VPS41: variants seen among roughly 807,000 people sequenced by gnomAD.
The protein encoded by VPS41 is VPS41 subunit of HOPS complex, also known as vacuolar protein sorting-associated protein 41 homolog.
A neutral mutation model predicts 130.9 loss-of-function variants in VPS41; 85 were observed. The ratio of observed to expected loss-of-function variants is 0.65; its 90% CI spans 0.55 to 0.78. The LOEUF (loss-of-function observed/expected upper bound fraction) is 0.78. VPS41 is among the 30% of genes least tolerant of loss of function. The pLI is 0.00. For synonymous variants in VPS41, 335 were observed against 332.9 expected (o/e 1.01, Z -0.07); for missense variants, 874 against 1,018.7 (o/e 0.86, Z 1.93).
At chr7:38,731,587 G>A (rs997944658) in intron 25 of VPS41, among the ~76,000 whole-genome samples, 4 of 151,886 alleles carry the variant, frequency 2.6e-5, no homozygotes, top group African/African-American at 4.8e-5. Flanking sequence ...GCCTATCTTC[G>A]CAACCACAGA....
At chr7:38,892,418 T>C (rs1026969612) in intron 2 of VPS41, among the ~76,000 whole-genome samples, 1 of 152,150 alleles carries the variant, frequency 6.6e-6, no homozygotes, top group Non-Finnish European at 1.5e-5. Context: ...CTAAAGAGCA[T>C]ACCAAAGTGC....
chr7:38,842,861 GAAC>G (rs966815253), intron 4 of VPS41, among the ~76,000 whole-genome samples: 3 of 152,112 alleles, frequency 2.0e-5, no homozygotes, highest in African/African-American at 2.4e-5. Context: ...TCCTGTTTCA[GAAC>G]AATAACTCAC....
At chr7:38,746,256 T>TAAA (rs11359151) in intron 22 of VPS41, among the ~76,000 whole-genome samples, 6 of 146,078 alleles carry the variant, frequency 4.1e-5, no homozygotes, top group Non-Finnish European at 6.0e-5. Context: ...CCATTAGTCT[T>TAAA]AAAAAAAAAA....
intron 17 of VPS41, among the ~76,000 whole-genome samples, chr7:38,758,911 G>A (rs944501686): frequency 6.6e-6 from 1 of 152,132 alleles, no homozygotes; most frequent in South Asian, 2.1e-4. Flanking sequence ...TTCCTGGAGG[G>A]TGGTGCACCC....
intron 25 of VPS41, among the ~76,000 whole-genome samples, chr7:38,736,021 C>G (rs2115590306): frequency 6.6e-6 from 1 of 152,140 alleles, no homozygotes; most frequent in South Asian, 2.1e-4. Context: ...AAATAAACCC[C>G]AATTATACCT....
intron 25 of VPS41, among the ~76,000 whole-genome samples, chr7:38,740,452 C>T (rs1795858756): frequency 6.6e-6 from 1 of 152,188 alleles, no homozygotes; most frequent in South Asian, 2.1e-4. Context: ...CAGCTCCTCA[C>T]CTCACCTCTC....
intron 7 of VPS41, among the ~76,000 whole-genome samples, chr7:38,809,921 T>C (rs553154094): frequency 5.1e-4 from 76 of 148,074 alleles, no homozygotes; most frequent in Non-Finnish European, 9.0e-4. Flanking sequence ...GCTGGACAAT[T>C]AAAAAAAAAA....
At chr7:38,905,941 C>T (rs1052878780) in intron 1 of VPS41, among the ~76,000 whole-genome samples, 3 of 151,370 alleles carry the variant, frequency 2.0e-5, no homozygotes, top group Non-Finnish European at 4.4e-5. Context: ...TTACAGGCGC[C>T]CACCACCATG....
At chr7:38,794,507 A>G (rs2115973100) in intron 9 of VPS41, among the ~76,000 whole-genome samples, 1 of 152,366 alleles carries the variant, frequency 6.6e-6, no homozygotes. Flanking sequence ...TTATATAATA[A>G]TGACAGCTAA....
intron 4 of VPS41, among the ~76,000 whole-genome samples, chr7:38,861,449 A>C (rs1336688821): frequency 1.3e-5 from 2 of 152,160 alleles, no homozygotes; most frequent in Non-Finnish European, 2.9e-5. Context: ...TGGGTAGAAG[A>C]GGGAAGGTCA....
At chr7:38,908,514 T>G (rs1282142332) in intron 1 of VPS41, among the ~76,000 whole-genome samples, 1 of 138,314 alleles carries the variant, frequency 7.2e-6, no homozygotes, top group East Asian at 2.0e-4. Flanking sequence ...ACTCTAACTT[T>G]GTGTATAAAC....
At chr7:38,726,876 CTCTAG>C in intron 28 of VPS41, 28 bp downstream of exon 28, 1 of 1,474,658 alleles carries the variant, frequency 6.8e-7, no homozygotes, top group Non-Finnish European at 9.0e-7. Flanking sequence ...GTTAATTTCC[CTCTAG>C]TTGATAGGTG....
At chr7:38,824,879 T>C (rs1785241052) in intron 5 of VPS41, among the ~76,000 whole-genome samples, 2 of 152,224 alleles carry the variant, frequency 1.3e-5, no homozygotes, top group African/African-American at 2.4e-5. Context: ...AAATGATGCA[T>C]AAGCCTGTAG....
At chr7:38,734,545 CCT>C (rs1351879211) in intron 25 of VPS41, among the ~76,000 whole-genome samples, 3 of 152,140 alleles carry the variant, frequency 2.0e-5, no homozygotes, top group Non-Finnish European at 4.4e-5. Context: ...TTATCTTCCC[CCT>C]TTCTCCTTAT....
chr7:38,776,091 A>T (rs1468239351), intron 11 of VPS41, among the ~76,000 whole-genome samples: 2 of 152,112 alleles, frequency 1.3e-5, no homozygotes, highest in Non-Finnish European at 2.9e-5. Flanking sequence ...GGCAATATAT[A>T]AGCTTCTTCC....
intron 22 of VPS41, 89 bp from the exon 23 acceptor site, chr7:38,745,702 A>T: frequency 2.1e-6 from 2 of 962,974 alleles, no homozygotes; most frequent in South Asian, 2.8e-5. Flanking sequence ...ACTTGAAAGA[A>T]TTTTTCCACA....
At chr7:38,823,844 C>G (rs1015500802) in intron 5 of VPS41, among the ~76,000 whole-genome samples, 1 of 152,180 alleles carries the variant, frequency 6.6e-6, no homozygotes, top group Non-Finnish European at 1.5e-5. Flanking sequence ...CCCCCCATCA[C>G]CTGCTGCTCA....
chr7:38,800,383 C>A (rs982790847), intron 7 of VPS41, among the ~76,000 whole-genome samples: 4 of 151,986 alleles, frequency 2.6e-5, no homozygotes, highest in African/African-American at 9.7e-5. Context: ...TAAATGCGTG[C>A]TGAAATTTTA....
chr7:38,819,359 C>A (rs1290225702), intron 6 of VPS41, among the ~76,000 whole-genome samples: 1 of 152,176 alleles, frequency 6.6e-6, no homozygotes, highest in African/African-American at 2.4e-5. Flanking sequence ...TATTTTTAAT[C>A]TTTTCCTCTT....
Sources: allele counts gnomAD v4.1 joint callset (sites outside exome capture counted in the v4.1 genomes callset), GRCh38; gene constraint gnomAD v4.1.1; transcripts MANE v1.5; gene names NCBI Gene and HGNC (gene_info 2026-07-23, HGNC 2026-07-21).